CRYBG1: variants seen among roughly 807,000 people sequenced by gnomAD.
CRYBG1 encodes beta/gamma crystallin domain-containing protein 1.
A neutral mutation model predicts 189.2 loss-of-function variants in CRYBG1; 139 were observed. The observed-to-expected ratio is 0.73, with a 90% CI of 0.64 to 0.85. The LOEUF is 0.85. CRYBG1 is among the 40% of genes least tolerant of loss of function. CRYBG1 has a pLI of 0.00. For synonymous variants in CRYBG1, 1,023 were observed against 1,017.1 expected (o/e 1.01, Z -0.11); for missense variants, 2,611 against 2,675.8 (o/e 0.98, Z 0.53).
intron 1 of CRYBG1, among the ~76,000 whole-genome samples, chr6:106,397,218 C>T (rs78629851): frequency 0.02 from 3,065 of 152,288 alleles, 109 homozygotes; most frequent in African/African-American, 0.069. Context: ...ATGATTACCG[C>T]AATCAAACAT....
chr6:106,394,811 G>A (rs1770573805), intron 1 of CRYBG1, among the ~76,000 whole-genome samples: 1 of 151,646 alleles, frequency 6.6e-6, no homozygotes, highest in Non-Finnish European at 1.5e-5. Flanking sequence ...AGGTAGTGCA[G>A]TGCCTTAGAG....
Position 106,525,310 on chromosome 6 carries a change from G to C in CRYBG1, c.4336G>C (p.Glu1446Gln). The C allele has an allele frequency of 1.2e-6, 2 of 1,614,150 alleles. No individual in the cohort carries two copies. The highest frequency in any genetic ancestry group is 1.1e-5 in the South Asian group (1 of 91,084). Residue 1446 changes from glutamate to glutamine, a missense_variant, in exon 6 of 22, where the codon GAA (glutamate) becomes CAA (glutamine). Transcript: ENST00000633556. ...ACCCGACGTCTCTGAGAAGTGCATT[G>C]AAGTTTTCAGTGACATTCAGGATTG... ...SEPDVSEKCI[E>Q]VFSDIQDCSS... is the part of the protein sequence containing the mutation.
rs528812097 is a variant in CRYBG1 at position 106,470,008 on chromosome 6, A to T, written c.312+18176A>T. Among the ~76,000 whole-genome samples, 10 of 152,260 alleles carry T rather than the reference A, an allele frequency of 6.6e-5. No individual in the cohort carries two copies. In the South Asian group the frequency reaches 2.1e-3, roughly 32 times the overall value. On this transcript the variant is annotated intron_variant, in intron 2 of 21. Transcript: ENST00000633556. ...GGGGAGTGCAGTGTCTCTGCTGAGC[A>T]TTCAGGCTGCCAGGCCAAGTCCTGA...
At position 106,378,421 on chromosome 6, in the gene CRYBG1, G is replaced by A. The variant is rs570256788; in HGVS notation, c.173+17340G>A. Among the ~76,000 whole-genome samples, 4 of 152,298 alleles carry A rather than the reference G, an allele frequency of 2.6e-5. No homozygotes were observed. In the South Asian group the frequency reaches 6.2e-4, roughly 24 times the overall value. ...CCATCACTGCCACTGCTCAGGGCTC[G>A]GTCCTCGGCACTGTTGCCCACTCAC... On this transcript the variant is annotated intron_variant, in intron 1 of 21. Transcript: ENST00000633556.
At chr6:106,434,589 C>T (rs1420770486) in intron 1 of CRYBG1, among the ~76,000 whole-genome samples, 1 of 152,180 alleles carries the variant, frequency 6.6e-6, no homozygotes, top group Non-Finnish European at 1.5e-5. Flanking sequence ...CAGAGGTTGG[C>T]AAACTTTCTC....
chr6:106,520,771 G>A lies in CRYBG1; in HGVS notation c.3563G>A (p.Arg1188Lys). The change falls in exon 4 of 22, where the codon AGA (arginine) becomes AAA (lysine). Residue 1188 changes from arginine to lysine, a missense_variant. Arg to Lys is a conservative substitution (Grantham distance 26). Around this residue, in one of 3 missense-constraint regions of CRYBG1, gnomAD observed 1,622 missense variants for 1,735.0 expected, o/e 0.93. Coordinates refer to ENST00000633556, the MANE Select transcript of CRYBG1 (RefSeq NM_001371242.2). ...MQNLDTKSKL[R>K]PKRASAEQSV... is the part of the protein sequence containing the mutation. ...AACCTTGACACAAAATCCAAACTGA[G>A]ACCCAAACGTGCATCTGCTGAACAG... The A allele has an allele frequency of 3.1e-6, 5 of 1,614,144 alleles. No homozygotes were observed. The highest frequency in any genetic ancestry group is 1.3e-5 in the African/African-American group (1 of 75,034).
At chr6:106,387,598 C>A (rs1174466263) in intron 1 of CRYBG1, among the ~76,000 whole-genome samples, 1 of 152,156 alleles carries the variant, frequency 6.6e-6, no homozygotes, top group Non-Finnish European at 1.5e-5. Context: ...CATTTGCTAT[C>A]CATGCAAAGT....
At chr6:106,433,467 T>G (rs1006425556) in intron 1 of CRYBG1, among the ~76,000 whole-genome samples, 1 of 152,076 alleles carries the variant, frequency 6.6e-6, no homozygotes, top group Non-Finnish European at 1.5e-5. Flanking sequence ...GTTCTATTGA[T>G]TCCAGTGCCT....
chr6:106,543,351 C>A, intron 10 of CRYBG1, 89 bp from the exon 11 acceptor site: 2 of 1,334,524 alleles, frequency 1.5e-6, no homozygotes, highest in Non-Finnish European at 2.1e-6. Context: ...ATTTGTGTGT[C>A]AGGACTTAGT....
intron 2 of CRYBG1, among the ~76,000 whole-genome samples, chr6:106,495,175 A>G (rs2114499531): frequency 1.3e-5 from 2 of 152,330 alleles, no homozygotes; most frequent in Middle Eastern, 6.8e-3. Context: ...TGCTTTTCAC[A>G]TCAACAGTCA....
intron 2 of CRYBG1, among the ~76,000 whole-genome samples, chr6:106,502,045 A>T (rs553040628): frequency 6.6e-6 from 1 of 152,130 alleles, no homozygotes; most frequent in Non-Finnish European, 1.5e-5. Context: ...AGTCAGCCCC[A>T]GGGCCTCTGA....
chr6:106,391,193 G>A (rs1770494079), intron 1 of CRYBG1, among the ~76,000 whole-genome samples: 1 of 151,950 alleles, frequency 6.6e-6, no homozygotes, highest in Admixed American at 6.6e-5. Context: ...GTCAATTCTT[G>A]TGGCTCAGCC....
intron 10 of CRYBG1, among the ~76,000 whole-genome samples, chr6:106,543,022 A>ATTTT (rs1774172014): frequency 6.7e-6 from 1 of 148,194 alleles, no homozygotes; most frequent in South Asian, 2.1e-4. Context: ...AATTAAATTT[A>ATTTT]ATTTTATTTT....
At chr6:106,445,833 T>C (rs1771654049) in intron 1 of CRYBG1, among the ~76,000 whole-genome samples, 1 of 152,346 alleles carries the variant, frequency 6.6e-6, no homozygotes, top group Non-Finnish European at 1.5e-5. Flanking sequence ...ACAACACTGC[T>C]TCTGAAGGAA....
Position 106,571,678 on chromosome 6 carries a change from G to A in CRYBG1, c.*3112G>A, listed in dbSNP as rs554756055. 5 of 256,524 alleles carry A rather than the reference G, an allele frequency of 1.9e-5. No homozygotes were observed. Among genetic ancestry groups the A allele is most frequent in the Non-Finnish European group, 3.1e-5 (4 of 129,980 alleles). 15.9% of individuals were successfully genotyped at this position (256,524 alleles called of 1,614,324 possible). A position where few individuals can be genotyped will look rare whatever the true frequency, so the allele number is the denominator to read the frequency against. ...TGCACTCCAGCCTGGGTGACACAGC[G>A]AGACCCTGTCTCTAAAACAAAAAAG... On this transcript the variant is annotated 3_prime_UTR_variant, in exon 22 of 22. Coordinates refer to ENST00000633556, the MANE Select transcript of CRYBG1 (RefSeq NM_001371242.2).
rs1334231694 is a variant in CRYBG1 at position 106,519,797 on chromosome 6, G to C, written c.2589G>C (p.Gln863His). The stretch of plus-strand genomic sequence containing the variant: ...CACAGCATACATTTTCTGACTCACA[G>C]TCCCCTGCTGAGTCATCTCCTGGGC... ...PKPQHTFSDSQSPAESSPGPS... is the reference protein window; with the variant it reads ...PKPQHTFSDSHSPAESSPGPS... Residue 863 changes from glutamine to histidine, a missense_variant, in exon 4 of 22, where the codon CAG becomes CAC. This residue lies in a region of CRYBG1 where 1,622 missense variants were observed against 1,735.0 expected (regional missense o/e 0.93). Transcript: ENST00000633556. The C allele has an allele frequency of 1.1e-5, 18 of 1,614,148 alleles. No individual in the cohort carries two copies. Among genetic ancestry groups the C allele is most frequent in the Non-Finnish European group, 1.3e-5 (15 of 1,180,022 alleles).
At position 106,568,470 on chromosome 6, in the gene CRYBG1, AG is replaced by A; in HGVS notation, c.6305del. 1 of 1,610,532 alleles carries A rather than the reference AG, an allele frequency of 6.2e-7. No individual in the cohort carries two copies. Among genetic ancestry groups the A allele is most frequent in the Admixed American group, 1.7e-5 (1 of 59,904 alleles). On this transcript the variant is annotated splice_acceptor_variant, in intron 21 of 21. Transcript: ENST00000633556. LOFTEE classifies it high-confidence loss of function. ...ATCTTTTATTATTTTCCTTTCTTTT[AG>A]GGGGCACACAGTATGATCAAAATCA...
At chr6:106,551,780 T>C (rs1410570166) in intron 13 of CRYBG1, 72 bp from the exon 14 acceptor site, 16 of 1,485,118 alleles carry the variant, frequency 1.1e-5, no homozygotes, top group East Asian at 6.8e-5. Context: ...GTATGATACA[T>C]AGATATCCAA....
chr6:106,415,797 G>C (rs1377131610), intron 1 of CRYBG1, among the ~76,000 whole-genome samples: 1 of 152,150 alleles, frequency 6.6e-6, no homozygotes, highest in Non-Finnish European at 1.5e-5. Flanking sequence ...CATATGACAG[G>C]CATTCAAATG....
Sources: gnomAD v4.1 joint callset for allele counts (sites outside exome capture counted in the v4.1 genomes callset) on GRCh38, gnomAD v4.1.1 for gene constraint, gnomAD v4.1.1 regional missense constraint, MANE v1.5 for transcripts, NCBI Gene and HGNC (gene_info 2026-07-23, HGNC 2026-07-21) for gene names.